The following TRIM48 variants were observed in gnomAD, a reference collection of about 807,000 sequenced individuals.
The protein encoded by TRIM48 is tripartite motif containing 48.
A neutral mutation model predicts 29.5 loss-of-function variants in TRIM48; 31 were observed. The observed-to-expected ratio is 1.05, with a 90% confidence interval of 0.79 to 1.42. TRIM48 has a LOEUF of 1.42. Among genes scored for constraint, TRIM48 ranks in the 40% most tolerant of loss-of-function variants. The pLI is 0.00. For synonymous variants in TRIM48, 128 were observed against 90.6 expected (o/e 1.41, Z -2.34); for missense variants, 344 against 265.0 (o/e 1.30, Z -2.07).
In TRIM48 at chr11:55,271,013, T is replaced by C; in HGVS notation, c.*578T>C. 1 of 1,506,734 alleles carries C rather than the reference T, an allele frequency of 6.6e-7. No individual in the cohort carries two copies. Among genetic ancestry groups the C allele is most frequent in the Non-Finnish European group, 9.0e-7 (1 of 1,114,154 alleles). 93.3% of individuals were successfully genotyped at this position (1,506,734 alleles called of 1,614,324 possible). On this transcript the variant is annotated 3_prime_UTR_variant, in exon 6 of 6. Coordinates refer to ENST00000417545, the MANE Select transcript of TRIM48 (RefSeq NM_024114.5). ...AGAAAGCCCTCTTCCTTGTGCCTTA[T>C]CAAACAGGACAAATAGGTTCGGTTT...
rs1857366301 is a variant in TRIM48 at position 55,265,074 on chromosome 11, G to A, written c.219G>A (p.Lys73=). The A allele has an allele frequency of 6.3e-7, 1 of 1,583,582 alleles. No homozygotes were observed. Among genetic ancestry groups the A allele is most frequent in the Non-Finnish European group, 8.6e-7 (1 of 1,166,186 alleles). ...PILTQCFECI[K]TIQQRNLKTN... ...TTACTCAGTGCTTTGAATGCATAAA[G>A]ACAATACAGCAGAGAAACCTCAAAA... Residue 73 remains lysine, a synonymous_variant, in exon 2 of 6, where the codon AAG becomes AAA. Transcript: ENST00000417545.
In TRIM48 at chr11:55,267,610, G is replaced by A. The variant is rs533190576; in HGVS notation, c.556-740G>A. 6.4e-6 allele frequency: 10 copies of A among 1,562,528 alleles called. 1 individual carries two copies. In the African/African-American group the frequency reaches 9.6e-5, roughly 15 times the overall value. The stretch of plus-strand genomic sequence containing the variant: ...ATGTAAGCGGAGCTGATGAAAATGT[G>A]CCATAAACCACATGTGGAGCTACTT... On this transcript the variant is annotated intron_variant, in intron 3 of 5. Coordinates refer to ENST00000417545, the MANE Select transcript of TRIM48 (RefSeq NM_024114.5).
chr11:55,270,321 CTT>C, intron 5 of TRIM48, 114 bp from the exon 6 acceptor site: 2 of 820,740 alleles, frequency 2.4e-6, no homozygotes, highest in East Asian at 3.1e-5. Flanking sequence ...GTCCTTGTGA[CTT>C]TACGTTTCCT....
At chr11:55,270,192 C>T (rs114684502) in intron 5 of TRIM48, among the ~76,000 whole-genome samples, 1 of 148,010 alleles carries the variant, frequency 6.8e-6, no homozygotes, top group Non-Finnish European at 1.5e-5. Flanking sequence ...GTTGGTCTTA[C>T]ATTTGGCTGT....
chr11:55,270,790 C>G lies in TRIM48; in HGVS notation c.*355C>G. The G allele has an allele frequency of 6.3e-7, 1 of 1,575,528 alleles. No individual in the cohort carries two copies. The highest frequency in any genetic ancestry group is 8.6e-7 in the Non-Finnish European group (1 of 1,158,648). ...AATTACACTGCAGTATGTCCCAAGA[C>G]CTACCAACCATGTAGAATTATTCCT... is the stretch of plus-strand genomic sequence containing the variant. On this transcript the variant is annotated 3_prime_UTR_variant, in exon 6 of 6. Transcript: ENST00000417545.
Position 55,268,595 on chromosome 11 carries a change from G to T in TRIM48, c.578+223G>T, listed in dbSNP as rs1409273025. Among the ~76,000 whole-genome samples, 8 of 147,638 alleles carry T rather than the reference G, an allele frequency of 5.4e-5. 1 individual carries two copies. Among genetic ancestry groups the T allele is most frequent in the African/African-American group, 2.0e-4 (8 of 40,382 alleles). ...AAAAAACATGTTTATTCCTGACTTT[G>T]TTTTATTGCTTAAAAGCCTGCATAG... is the stretch of plus-strand genomic sequence containing the variant. On this transcript the variant is annotated intron_variant, in intron 4 of 5. Transcript: ENST00000417545.
In TRIM48 at chr11:55,269,054, G is replaced by C. The variant is rs1163853783; in HGVS notation, c.579-188G>C. Among the ~76,000 whole-genome samples, 2 of 148,532 alleles carry C rather than the reference G, an allele frequency of 1.3e-5. 1 individual carries two copies. The highest frequency in any genetic ancestry group is 4.9e-5 in the African/African-American group (2 of 40,700). On this transcript the variant is annotated intron_variant, in intron 4 of 5. Coordinates refer to ENST00000417545, the MANE Select transcript of TRIM48 (RefSeq NM_024114.5). ...AAACATCAGACTGAATTCTGACTCA[G>C]ACTCTCCCACTATGCTTTAAAATTT...
In TRIM48 at chr11:55,270,446, C is replaced by T. The variant is rs924322052; in HGVS notation, c.*11C>T. On this transcript the variant is annotated 3_prime_UTR_variant, in exon 6 of 6. Coordinates refer to ENST00000417545, the MANE Select transcript of TRIM48 (RefSeq NM_024114.5). ...TTTATTTATTTTGCAGTGGATATTACTCTGCATCACAATGAAGCCAACAGT... is the reference window on the plus strand; with the variant it reads ...TTTATTTATTTTGCAGTGGATATTATTCTGCATCACAATGAAGCCAACAGT... The T allele has an allele frequency of 6.7e-7, 1 of 1,493,156 alleles. No homozygotes were observed. Among genetic ancestry groups the T allele is most frequent in the African/African-American group, 1.4e-5 (1 of 71,368 alleles). The allele number at this position is 1,493,156 out of a possible 1,614,324, so 92.5% of individuals were successfully genotyped here.
chr11:55,267,406 G>T, intron 3 of TRIM48: 1 of 1,575,504 alleles, frequency 6.3e-7, no homozygotes, highest in Non-Finnish European at 8.6e-7. Context: ...TATTACTGCC[G>T]TATTATGTGA....
intron 5 of TRIM48, 51 bp downstream of exon 5, chr11:55,269,390 T>C (rs1857444405): frequency 6.5e-7 from 1 of 1,549,326 alleles, no homozygotes; most frequent in Non-Finnish European, 8.7e-7. Context: ...ATTATTATTG[T>C]TAGGATCACA....
chr11:55,263,116 C>T (rs1170409104), intron 1 of TRIM48, among the ~76,000 whole-genome samples: 2 of 152,084 alleles, frequency 1.3e-5, no homozygotes, highest in African/African-American at 2.4e-5. Context: ...TTTCAGTCAA[C>T]AACAAACCAC....
At chr11:55,270,058 C>G (rs139530113) in intron 5 of TRIM48, among the ~76,000 whole-genome samples, 2 of 147,794 alleles carry the variant, frequency 1.4e-5, no homozygotes, top group Non-Finnish European at 3.0e-5. Context: ...TCTTCACATG[C>G]TTTCCAAAAT....
rs1857470766 is a variant in TRIM48, at chr11:55,270,688, A to G, written c.*253A>G. The G allele has an allele frequency of 6.4e-7, 1 of 1,572,656 alleles. No homozygotes were observed. Among genetic ancestry groups the G allele is most frequent in the African/African-American group, 1.4e-5 (1 of 73,284 alleles). On this transcript the variant is annotated 3_prime_UTR_variant, in exon 6 of 6. Coordinates refer to ENST00000417545, the MANE Select transcript of TRIM48 (RefSeq NM_024114.5). ...GAAAGGGAAGAATCAGAATGGCAAT[A>G]TATATGGAGAGGAGGGACTCTTTAG...
At chr11:55,267,282 G>T (rs747732741) in intron 3 of TRIM48, 1 of 1,143,526 alleles carries the variant, frequency 8.7e-7, no homozygotes, top group Non-Finnish European at 1.2e-6. Context: ...AAAATTTGTG[G>T]ATTCTAAGAA....
chr11:55,270,853 A>G lies in TRIM48; in HGVS notation c.*418A>G, dbSNP rs1409345764. ...TAGAACTGTGAGCTTCGTTGATGTTAGTCAAAGCTCCCCTATATACACCAT... is the reference window on the plus strand; with the variant it reads ...TAGAACTGTGAGCTTCGTTGATGTTGGTCAAAGCTCCCCTATATACACCAT... On this transcript the variant is annotated 3_prime_UTR_variant, in exon 6 of 6. Coordinates refer to ENST00000417545, the MANE Select transcript of TRIM48 (RefSeq NM_024114.5). 6.4e-7 allele frequency: 1 copy of G among 1,568,422 alleles called. No individual in the cohort carries two copies. The highest frequency in any genetic ancestry group is 1.4e-5 in the African/African-American group (1 of 73,064).
At chr11:55,269,848 A>C (rs71487100) in intron 5 of TRIM48, among the ~76,000 whole-genome samples, 6,417 of 147,870 alleles carry the variant, frequency 0.043, 677 homozygotes, top group Middle Eastern at 0.077. Context: ...TAAAACATCA[A>C]ACAAAAAGAA....
At position 55,267,569 on chromosome 11, in the gene TRIM48, G is replaced by T. The variant is rs938962107; in HGVS notation, c.556-781G>T. ...TAAAGCCAAAATGGCTCATAGGAGG[G>T]AGATTTTTAAGAGGAATGTAAGCGG... On this transcript the variant is annotated intron_variant, in intron 3 of 5. Coordinates refer to ENST00000417545, the MANE Select transcript of TRIM48 (RefSeq NM_024114.5). 3.8e-6 allele frequency: 6 copies of T among 1,565,646 alleles called. No homozygotes were observed. In the African/African-American group the frequency reaches 6.9e-5, roughly 18 times the overall value.
intron 5 of TRIM48, 79 bp from the exon 6 acceptor site, chr11:55,270,358 G>T: frequency 8.4e-7 from 1 of 1,196,576 alleles, no homozygotes; most frequent in Non-Finnish European, 1.1e-6. Flanking sequence ...TTGATAGAAC[G>T]ATTTTTGCTT....
chr11:55,265,287 C>T lies in TRIM48; in HGVS notation c.432C>T (p.Pro144=), dbSNP rs373220127. The T allele has an allele frequency of 1.0e-4, 166 of 1,582,084 alleles. 17 individuals carry two copies. The highest frequency in any genetic ancestry group is 6.9e-4 in the Middle Eastern group (3 of 4,358). The change falls in exon 2 of 6, where the codon CCC becomes CCT. Residue 144 remains proline, a synonymous_variant. Transcript: ENST00000417545. ...AGCACCGGTATCACAGACACTGTCC[C>T]GCTGAGTGGGCTGCTGAGGAACACT... The part of the protein sequence containing the change: ...SQEHRYHRHC[P]AEWAAEEHWE...
Sources: allele counts gnomAD v4.1 joint callset (sites outside exome capture counted in the v4.1 genomes callset), GRCh38; gene constraint gnomAD v4.1.1; transcripts MANE v1.5; gene names NCBI Gene and HGNC (gene_info 2026-07-23, HGNC 2026-07-21).